The following LPP variants were observed in gnomAD, a reference collection of about 807,000 sequenced individuals.
The protein encoded by LPP is LIM domain containing preferred translocation partner in lipoma, also known as lipoma-preferred partner.
Under a neutral mutation model 60.4 loss-of-function variants are expected in LPP, and 38 were observed. The ratio of observed to expected loss-of-function variants is 0.63; its 90% CI spans 0.49 to 0.83. The LOEUF (loss-of-function observed/expected upper bound fraction) is 0.83, where lower values mean the gene tolerates loss of function less well. Among genes scored for constraint, LPP ranks in the 40% least tolerant of loss-of-function variants. The pLI, the probability that LPP is intolerant of heterozygous loss-of-function variation, is 0.00. For missense variants in LPP, 902 were observed against 783.6 expected (o/e 1.15, Z -1.80); for synonymous variants, 328 against 290.8 (o/e 1.13, Z -1.30).
At chr3:188,269,363 G>C (rs962902788) in intron 2 of LPP, among the ~76,000 whole-genome samples, 1 of 152,088 alleles carries the variant, frequency 6.6e-6, no homozygotes, top group Non-Finnish European at 1.5e-5. Context: ...TTCCTGCTCC[G>C]ATCATTCTTT....
chr3:188,822,743 T>C (rs904859588), intron 9 of LPP, among the ~76,000 whole-genome samples: 3 of 152,156 alleles, frequency 2.0e-5, no homozygotes, highest in Admixed American at 1.3e-4. Context: ...TAGGTGTTTG[T>C]TGAATGGAAG....
chr3:188,502,255 T>G (rs531600868), intron 5 of LPP, among the ~76,000 whole-genome samples: 71 of 152,312 alleles, frequency 4.7e-4, no homozygotes, highest in Non-Finnish European at 7.4e-4. Context: ...TTCCTTCAAT[T>G]CTGGTAATTT....
intron 9 of LPP, among the ~76,000 whole-genome samples, chr3:188,841,466 A>G (rs1253528340): frequency 7.2e-6 from 1 of 139,046 alleles, no homozygotes; most frequent in Non-Finnish European, 1.5e-5. Context: ...ATCTCGGCTC[A>G]CTGCAACCTC....
chr3:188,684,209 T>G (rs946551247), intron 7 of LPP, among the ~76,000 whole-genome samples: 1 of 152,228 alleles, frequency 6.6e-6, no homozygotes, highest in African/African-American at 2.4e-5. Flanking sequence ...GAAATCAGCC[T>G]CTCAAGTTCC....
chr3:188,665,697 G>A (rs565002954), intron 7 of LPP, among the ~76,000 whole-genome samples: 5 of 152,092 alleles, frequency 3.3e-5, no homozygotes, highest in East Asian at 1.9e-4. Context: ...TCCTGACCTC[G>A]TGATCTGCCT....
intron 2 of LPP, among the ~76,000 whole-genome samples, chr3:188,252,698 A>G (rs1333557969): frequency 6.6e-6 from 1 of 152,084 alleles, no homozygotes; most frequent in Non-Finnish European, 1.5e-5. Context: ...ATCTTAATGT[A>G]TTTAATGTCC....
chr3:188,378,321 C>G (rs1438291707), intron 3 of LPP, among the ~76,000 whole-genome samples: 1 of 152,242 alleles, frequency 6.6e-6, no homozygotes, highest in Non-Finnish European at 1.5e-5. Context: ...CCTACAGAGG[C>G]AGGCAGGCCT....
chr3:188,862,053 G>A (rs902014835), intron 9 of LPP, among the ~76,000 whole-genome samples: 11 of 152,332 alleles, frequency 7.2e-5, no homozygotes, highest in African/African-American at 2.6e-4. Context: ...CTTACTGTGT[G>A]TCATGAACTT....
At chr3:188,308,869 T>TGTTCTC (rs1229826258) in intron 2 of LPP, among the ~76,000 whole-genome samples, 6 of 143,364 alleles carry the variant, frequency 4.2e-5, no homozygotes, top group African/African-American at 7.5e-5. Context: ...TTCTTGTTCT[T>TGTTCTC]GTTCTCGTTC....
intron 7 of LPP, among the ~76,000 whole-genome samples, chr3:188,669,447 G>A (rs1200055037): frequency 1.3e-5 from 2 of 152,194 alleles, no homozygotes; most frequent in East Asian, 1.9e-4. Flanking sequence ...GTGGTGGCGG[G>A]CACCTGTAGT....
At chr3:188,744,075 G>C (rs1401831747) in intron 8 of LPP, among the ~76,000 whole-genome samples, 1 of 152,096 alleles carries the variant, frequency 6.6e-6, no homozygotes, top group Non-Finnish European at 1.5e-5. Context: ...AGCTGCTAAA[G>C]CTCCTTATAA....
At chr3:188,491,577 G>A (rs777672518) in intron 5 of LPP, among the ~76,000 whole-genome samples, 10 of 152,180 alleles carry the variant, frequency 6.6e-5, no homozygotes, top group Non-Finnish European at 1.0e-4. Flanking sequence ...AGCAGCAGAA[G>A]CAGCAATAGC....
At chr3:188,427,049 G>C (rs921595304) in intron 4 of LPP, among the ~76,000 whole-genome samples, 2 of 152,034 alleles carry the variant, frequency 1.3e-5, no homozygotes, top group Non-Finnish European at 2.9e-5. Flanking sequence ...TGGTGTCGAT[G>C]GTCTTTACAA....
At chr3:188,581,689 G>A (rs555723726) in intron 6 of LPP, among the ~76,000 whole-genome samples, 1 of 152,036 alleles carries the variant, frequency 6.6e-6, no homozygotes, top group African/African-American at 2.4e-5. Flanking sequence ...ACAGCCCCTG[G>A]TTATACCCTG....
intron 4 of LPP, among the ~76,000 whole-genome samples, chr3:188,452,692 G>A (rs1796874148): frequency 6.6e-6 from 1 of 152,112 alleles, no homozygotes; most frequent in South Asian, 2.1e-4. Flanking sequence ...GTGTTGACAG[G>A]ATGCTTGTTT....
chr3:188,439,896 A>C (rs1793352586), intron 4 of LPP, among the ~76,000 whole-genome samples: 1 of 152,180 alleles, frequency 6.6e-6, no homozygotes, highest in African/African-American at 2.4e-5. Flanking sequence ...GACATGTCTA[A>C]AGTTGTGCAG....
intron 7 of LPP, among the ~76,000 whole-genome samples, chr3:188,614,952 C>T (rs1844571979): frequency 1.3e-5 from 2 of 152,098 alleles, no homozygotes; most frequent in South Asian, 4.2e-4. Context: ...AAAATTTGTC[C>T]CGAGGTTCTT....
intron 7 of LPP, among the ~76,000 whole-genome samples, chr3:188,674,191 T>A (rs1273301665): frequency 6.6e-6 from 1 of 152,172 alleles, no homozygotes; most frequent in Non-Finnish European, 1.5e-5. Context: ...CACTCTGGGA[T>A]ACTAGGGTTG....
chr3:188,460,732 A>G (rs1459442610), intron 4 of LPP, among the ~76,000 whole-genome samples: 1 of 152,238 alleles, frequency 6.6e-6, no homozygotes, highest in African/African-American at 2.4e-5. Context: ...TAACATGATC[A>G]AGATATCTGA....
Sources: gnomAD v4.1 joint callset for allele counts (sites outside exome capture counted in the v4.1 genomes callset) on GRCh38, gnomAD v4.1.1 for gene constraint, MANE v1.5 for transcripts, NCBI Gene and HGNC (gene_info 2026-07-23, HGNC 2026-07-21) for gene names.